The following ANKS1B variants were observed in gnomAD, a reference collection of about 807,000 sequenced individuals.
ANKS1B encodes ankyrin repeat and sterile alpha motif domain containing 1B.
A neutral mutation model predicts 148.3 loss-of-function variants in ANKS1B; 36 were observed. The ratio of observed to expected loss-of-function variants is 0.24; its 90% CI spans 0.19 to 0.32. The LOEUF is 0.32. Ranked by LOEUF, ANKS1B falls within the 10% of genes least tolerant of loss-of-function variation. The pLI is 1.00. For missense variants in ANKS1B, 1,157 were observed against 1,542.6 expected (o/e 0.75, Z 4.19); for synonymous variants, 542 against 560.8 (o/e 0.97, Z 0.47).
intron 9 of ANKS1B, among the ~76,000 whole-genome samples, chr12:99,587,038 C>T (rs942243284): frequency 6.6e-6 from 1 of 152,072 alleles, no homozygotes; most frequent in Non-Finnish European, 1.5e-5. Flanking sequence ...ATTGATTGTA[C>T]TCTATTATTG....
At position 99,136,256 on chromosome 12, in the gene ANKS1B, G is replaced by A. The variant is rs141461057; in HGVS notation, c.2526+18033C>T. On this transcript the variant is annotated intron_variant, in intron 15 of 26. Coordinates refer to ENST00000683438, the MANE Select transcript of ANKS1B (RefSeq NM_001352186.2). ...CTTGATACGGCTTCCCACACCCCAC[G>A]AGTTGGCATAGAAGCAGAGAAATAC... Among the ~76,000 whole-genome samples the A allele has an allele frequency of 2.0e-3, 302 of 152,190 alleles. 1 individual carries two copies. Among genetic ancestry groups the A allele is most frequent in the South Asian group, 3.9e-3 (19 of 4,822 alleles).
At chr12:99,367,851 G>A (rs1481518580) in intron 12 of ANKS1B, among the ~76,000 whole-genome samples, 2 of 151,932 alleles carry the variant, frequency 1.3e-5, no homozygotes, top group Non-Finnish European at 2.9e-5. Flanking sequence ...GCGGATGAAT[G>A]GGAGGAATAA....
At chr12:99,402,971 C>A (rs1288608769) in intron 11 of ANKS1B, among the ~76,000 whole-genome samples, 1 of 144,694 alleles carries the variant, frequency 6.9e-6, no homozygotes, top group Non-Finnish European at 1.5e-5. Context: ...CCACAACCTT[C>A]CCAGCATGTG....
chr12:99,628,908 G>A (rs536444157), intron 9 of ANKS1B, among the ~76,000 whole-genome samples: 1 of 152,218 alleles, frequency 6.6e-6, no homozygotes, highest in East Asian at 1.9e-4. Context: ...AATACTTAAT[G>A]GGTAGGACAT....
intron 10 of ANKS1B, among the ~76,000 whole-genome samples, chr12:99,452,820 A>G (rs2095769082): frequency 6.6e-6 from 1 of 152,254 alleles, no homozygotes; most frequent in African/African-American, 2.4e-5. Flanking sequence ...TTCCATTACT[A>G]TCACCAACAA....
chr12:99,243,143 T>TA (rs2089669441), intron 14 of ANKS1B, among the ~76,000 whole-genome samples: 1 of 152,220 alleles, frequency 6.6e-6, no homozygotes, highest in Non-Finnish European at 1.5e-5. Flanking sequence ...AAAGGGTTAA[T>TA]ATCCAAAATC....
intron 8 of ANKS1B, among the ~76,000 whole-genome samples, chr12:99,762,960 C>A (rs2062286233): frequency 1.3e-5 from 2 of 151,828 alleles, no homozygotes; most frequent in Non-Finnish European, 2.9e-5. Context: ...TCACACCTGT[C>A]ACAATGACTA....
At chr12:99,944,112 T>C (rs903292968) in intron 1 of ANKS1B, among the ~76,000 whole-genome samples, 1 of 152,136 alleles carries the variant, frequency 6.6e-6, no homozygotes, top group Non-Finnish European at 1.5e-5. Context: ...CAAGAGATCT[T>C]AGCAGCCTGG....
chr12:99,823,319 T>C (rs1162861333), intron 2 of ANKS1B, among the ~76,000 whole-genome samples: 1 of 152,084 alleles, frequency 6.6e-6, no homozygotes, highest in Non-Finnish European at 1.5e-5. Context: ...ATTTTATCTA[T>C]TTATTTATTT....
chr12:99,692,318 G>C (rs541541970), intron 8 of ANKS1B, among the ~76,000 whole-genome samples: 2 of 152,066 alleles, frequency 1.3e-5, no homozygotes, highest in Admixed American at 1.3e-4. Flanking sequence ...GTCAGATAGC[G>C]GTCATATTTT....
chr12:99,250,661 A>G (rs971192632), intron 12 of ANKS1B, among the ~76,000 whole-genome samples: 1 of 152,108 alleles, frequency 6.6e-6, no homozygotes, highest in Non-Finnish European at 1.5e-5. Context: ...AGCAATATTA[A>G]TGGCCATTAA....
chr12:99,454,989 G>A (rs992050913), intron 10 of ANKS1B, among the ~76,000 whole-genome samples: 1 of 152,012 alleles, frequency 6.6e-6, no homozygotes, highest in East Asian at 1.9e-4. Flanking sequence ...TCAGTAATCC[G>A]TGGATTCTCT....
At chr12:99,380,776 CCTTCCTTCCTTCCTTCCTTCCTTCCTTT>C (rs1214651089) in intron 12 of ANKS1B, among the ~76,000 whole-genome samples, 3 of 109,956 alleles carry the variant, frequency 2.7e-5, no homozygotes, top group African/African-American at 8.2e-5. Context: ...TTCCTTCCTT[CCTTCCTTCCTTCCTTCCTTCCTTCCTTT>C]CTCATGCTCC....
At chr12:99,272,929 C>T (rs1014486520) in intron 12 of ANKS1B, among the ~76,000 whole-genome samples, 1 of 152,166 alleles carries the variant, frequency 6.6e-6, no homozygotes, top group Non-Finnish European at 1.5e-5. Flanking sequence ...ACTGACCCTA[C>T]CAATATCTCT....
At chr12:99,675,429 TTATTTTAA>T (rs1347851387) in intron 8 of ANKS1B, among the ~76,000 whole-genome samples, 5 of 151,966 alleles carry the variant, frequency 3.3e-5, no homozygotes. Context: ...TGTCATTTTA[TTATTTTAA>T]TATGTTGCAC....
chr12:99,945,938 C>T (rs2095049501), intron 1 of ANKS1B, among the ~76,000 whole-genome samples: 1 of 152,130 alleles, frequency 6.6e-6, no homozygotes, highest in South Asian at 2.1e-4. Flanking sequence ...GCTCCCCGAA[C>T]CTGCCATGGC....
At chr12:99,148,268 T>C (rs1475543690) in intron 15 of ANKS1B, among the ~76,000 whole-genome samples, 2 of 152,138 alleles carry the variant, frequency 1.3e-5, no homozygotes, top group Admixed American at 6.6e-5. Context: ...GGCCTATTCA[T>C]GTGAGCATTA....
chr12:99,230,094 C>T (rs1184216168), intron 14 of ANKS1B, among the ~76,000 whole-genome samples: 1 of 152,050 alleles, frequency 6.6e-6, no homozygotes, highest in Non-Finnish European at 1.5e-5. Context: ...TTATTAATTA[C>T]AGCCTCCCAA....
intron 1 of ANKS1B, among the ~76,000 whole-genome samples, chr12:99,880,924 C>A (rs139721990): frequency 4.5e-4 from 68 of 152,244 alleles, no homozygotes; most frequent in African/African-American, 1.6e-3. Context: ...GAACCCTTAG[C>A]CAGAATTTAA....
Sources: gnomAD v4.1 joint callset for allele counts (sites outside exome capture counted in the v4.1 genomes callset) on GRCh38, gnomAD v4.1.1 for gene constraint, MANE v1.5 for transcripts, NCBI Gene and HGNC (gene_info 2026-07-23, HGNC 2026-07-21) for gene names.